IGF1R: variants seen among roughly 807,000 people sequenced by gnomAD.
The protein encoded by IGF1R is insulin-like growth factor 1 receptor.
IGF1R carries 44 observed loss-of-function variants against 144.6 expected under a neutral mutation model. That is an observed-to-expected ratio of 0.30 (90% CI 0.24 to 0.39). The LOEUF (loss-of-function observed/expected upper bound fraction) is 0.39, where lower values mean the gene tolerates loss of function less well. Ranked by LOEUF, IGF1R falls within the 10% of genes least tolerant of loss-of-function variation. The pLI is 1.00. For synonymous variants in IGF1R, 795 were observed against 722.8 expected (o/e 1.10, Z -1.60); for missense variants, 1,355 against 1,833.7 (o/e 0.74, Z 4.77).
chr15:98,657,906 C>T (rs1308904492), intron 1 of IGF1R, among the ~76,000 whole-genome samples: 2 of 152,182 alleles, frequency 1.3e-5, no homozygotes, highest in Admixed American at 6.5e-5. Context: ...GACCCCTATT[C>T]CGGGATCCAG....
chr15:98,668,207 C>G (rs921187220), intron 1 of IGF1R, among the ~76,000 whole-genome samples: 3 of 152,154 alleles, frequency 2.0e-5, no homozygotes, highest in African/African-American at 7.2e-5. Context: ...GGGGGCTCTA[C>G]CCTCAGGACC....
chr15:98,799,577 T>G (rs1344364698), intron 2 of IGF1R, among the ~76,000 whole-genome samples: 1 of 152,200 alleles, frequency 6.6e-6, no homozygotes, highest in South Asian at 2.1e-4. Flanking sequence ...ATTTGGTATC[T>G]CCAGCTTGTT....
chr15:98,772,476 A>AATTATT (rs147636909), intron 2 of IGF1R, among the ~76,000 whole-genome samples: 1,908 of 62,502 alleles, frequency 0.031, 56 homozygotes, highest in African/African-American at 0.072. Flanking sequence ...GTCACTTAAA[A>AATTATT]ATTATTATTA....
chr15:98,722,750 C>G (rs576282098), intron 2 of IGF1R, among the ~76,000 whole-genome samples: 2 of 152,258 alleles, frequency 1.3e-5, no homozygotes, highest in South Asian at 4.2e-4. Flanking sequence ...GGCCTTAGCA[C>G]TTAACAGATG....
intron 19 of IGF1R, among the ~76,000 whole-genome samples, chr15:98,948,233 A>G (rs1486868910): frequency 6.6e-6 from 1 of 152,206 alleles, no homozygotes; most frequent in South Asian, 2.1e-4. Context: ...CCGCCTTGCC[A>G]GATAAATGGC....
chr15:98,778,009 C>T (rs757577779), intron 2 of IGF1R, among the ~76,000 whole-genome samples: 67 of 152,314 alleles, frequency 4.4e-4, no homozygotes, highest in Non-Finnish European at 8.1e-4. Context: ...ATTTATTGAG[C>T]ACCTACTGCA....
At chr15:98,951,053 T>C (rs2016754449) in intron 20 of IGF1R, among the ~76,000 whole-genome samples, 1 of 152,238 alleles carries the variant, frequency 6.6e-6, no homozygotes, top group Admixed American at 6.5e-5. Flanking sequence ...TAGCTGCTGC[T>C]TCCGAACATA....
At chr15:98,779,709 C>T (rs2055807769) in intron 2 of IGF1R, among the ~76,000 whole-genome samples, 1 of 152,218 alleles carries the variant, frequency 6.6e-6, no homozygotes, top group Admixed American at 6.5e-5. Flanking sequence ...TCGAGCCTCT[C>T]CCTGGAGGAG....
chr15:98,940,959 G>A (rs1011396961), intron 18 of IGF1R, among the ~76,000 whole-genome samples: 2 of 152,200 alleles, frequency 1.3e-5, no homozygotes, highest in Admixed American at 6.5e-5. Context: ...GGAAAGAGCC[G>A]CCCGCGTCCC....
chr15:98,881,083 T>C (rs1874945801), intron 2 of IGF1R, among the ~76,000 whole-genome samples: 1 of 152,184 alleles, frequency 6.6e-6, no homozygotes, highest in Non-Finnish European at 1.5e-5. Flanking sequence ...TGGAACTCAA[T>C]AAATAAAGAA....
At chr15:98,930,169 A>T (rs1022289123) in intron 14 of IGF1R, 66 bp from the exon 15 acceptor site, 3 of 1,070,860 alleles carry the variant, frequency 2.8e-6, no homozygotes, top group Admixed American at 3.5e-5. Flanking sequence ...TGTAGCGAAG[A>T]TGAAAGTATA....
chr15:98,924,170 C>G (rs991454854), intron 12 of IGF1R, among the ~76,000 whole-genome samples, 158 bp downstream of exon 12: 1 of 152,238 alleles, frequency 6.6e-6, no homozygotes, highest in Non-Finnish European at 1.5e-5. Context: ...CCACTCTGTA[C>G]TCTCCAAGGA....
intron 2 of IGF1R, among the ~76,000 whole-genome samples, chr15:98,818,514 C>T (rs927627375): frequency 6.6e-6 from 1 of 151,228 alleles, no homozygotes; most frequent in African/African-American, 2.4e-5. Flanking sequence ...TGGCTTGAAC[C>T]AGTGCTGGGT....
At chr15:98,953,681 T>G (rs964357904) in intron 20 of IGF1R, among the ~76,000 whole-genome samples, 1 of 152,240 alleles carries the variant, frequency 6.6e-6, no homozygotes, top group African/African-American at 2.4e-5. Context: ...GTCCAGACTG[T>G]TGCCAGAGAC....
chr15:98,899,318 C>T (rs2014357051), intron 4 of IGF1R, among the ~76,000 whole-genome samples, 159 bp from the exon 5 acceptor site: 2 of 152,202 alleles, frequency 1.3e-5, no homozygotes, highest in African/African-American at 4.8e-5. Flanking sequence ...AGAGTCAAGC[C>T]AGGGAAGTGT....
intron 1 of IGF1R, chr15:98,660,628 C>T (rs1480620752): frequency 6.6e-6 from 1 of 152,208 alleles, no homozygotes; most frequent in Non-Finnish European, 1.5e-5. Context: ...ACACCAGTTA[C>T]TGCTGCATGG....
chr15:98,823,335 T>C (rs2056836109), intron 2 of IGF1R, among the ~76,000 whole-genome samples: 1 of 152,216 alleles, frequency 6.6e-6, no homozygotes, highest in African/African-American at 2.4e-5. Context: ...AGTGGTGTCA[T>C]GTGCCTGGCA....
At chr15:98,811,647 C>G (rs2056591775) in intron 2 of IGF1R, among the ~76,000 whole-genome samples, 1 of 152,092 alleles carries the variant, frequency 6.6e-6, no homozygotes, top group Non-Finnish European at 1.5e-5. Context: ...CAACTATCAG[C>G]TGGGCGTGGT....
intron 1 of IGF1R, among the ~76,000 whole-genome samples, chr15:98,652,851 A>C (rs1035452726): frequency 3.9e-5 from 6 of 152,054 alleles, no homozygotes; most frequent in African/African-American, 1.4e-4. Context: ...ATGGCTGCAT[A>C]GCTCTAAATA....
Sources: gnomAD v4.1 joint callset for allele counts (sites outside exome capture counted in the v4.1 genomes callset) on GRCh38, gnomAD v4.1.1 for gene constraint, MANE v1.5 for transcripts, NCBI Gene and HGNC (gene_info 2026-07-23, HGNC 2026-07-21) for gene names.